The following HIKESHI variants were observed in gnomAD, a reference collection of about 807,000 sequenced individuals.
The protein encoded by HIKESHI is heat shock protein nuclear import factor hikeshi, also known as protein Hikeshi.
HIKESHI carries 13 observed loss-of-function variants against 25.7 expected under a neutral mutation model. That is an observed-to-expected ratio of 0.51 (90% confidence interval 0.33 to 0.80). The LOEUF (loss-of-function observed/expected upper bound fraction) is 0.80, where lower values mean the gene tolerates loss of function less well. Ranked by LOEUF, HIKESHI falls within the 30% of genes least tolerant of loss-of-function variation. The pLI, the probability that HIKESHI is intolerant of heterozygous loss-of-function variation, is 0.02. For missense variants in HIKESHI, 174 were observed against 229.5 expected, an observed-to-expected ratio of 0.76 and a Z score of 1.56; for synonymous variants, 76 against 78.7, an observed-to-expected ratio of 0.97 and a Z score of 0.18.
intron 2 of HIKESHI, among the ~76,000 whole-genome samples, chr11:86,319,295 T>G (rs1207861139): frequency 6.9e-6 from 1 of 145,124 alleles, no homozygotes; most frequent in East Asian, 2.0e-4. Context: ...CAGAGTGCAG[T>G]AGCAAGATTT....
intron 2 of HIKESHI, among the ~76,000 whole-genome samples, chr11:86,330,698 G>T (rs1947399139): frequency 6.6e-6 from 1 of 152,142 alleles, no homozygotes; most frequent in South Asian, 2.1e-4. Context: ...TGATGAATTA[G>T]AAATCACTTG....
At chr11:86,315,971 A>T (rs1265039124) in intron 2 of HIKESHI, among the ~76,000 whole-genome samples, 1 of 152,042 alleles carries the variant, frequency 6.6e-6, no homozygotes, top group Non-Finnish European at 1.5e-5. Flanking sequence ...CTTACAAGTA[A>T]TCCTATTAAA....
intron 2 of HIKESHI, among the ~76,000 whole-genome samples, chr11:86,336,117 G>C (rs1281616189): frequency 6.6e-6 from 1 of 152,176 alleles, no homozygotes; most frequent in Non-Finnish European, 1.5e-5. Context: ...TCACTAAAGG[G>C]CTTAGATAGC....
chr11:86,307,942 T>TTATGTGTAATATAATATATAAAATATA (rs1946700770), intron 2 of HIKESHI, among the ~76,000 whole-genome samples: 2 of 101,480 alleles, frequency 2.0e-5, no homozygotes, highest in Admixed American at 2.9e-4. Flanking sequence ...AAAATATATA[T>TTATGTGTAATATAATATATAAAATATA]TATGTGTAAT....
intron 2 of HIKESHI, among the ~76,000 whole-genome samples, chr11:86,328,476 G>A (rs2646729): frequency 0.61 from 90,944 of 148,876 alleles, 27,965 homozygotes; most frequent in East Asian, 0.79. Flanking sequence ...CTGTTGCCGA[G>A]GCTGGTGTGC....
At chr11:86,328,558 C>T (rs1374910160) in intron 2 of HIKESHI, among the ~76,000 whole-genome samples, 1 of 152,010 alleles carries the variant, frequency 6.6e-6, no homozygotes, top group Non-Finnish European at 1.5e-5. Flanking sequence ...AATTCTCTGC[C>T]TCAGCCTCCT....
intron 2 of HIKESHI, among the ~76,000 whole-genome samples, chr11:86,316,340 C>T (rs562394645): frequency 1.3e-5 from 2 of 151,230 alleles, no homozygotes; most frequent in South Asian, 4.2e-4. Context: ...TGTAAAACCC[C>T]GTCTCCACTA....
chr11:86,331,580 A>C (rs1415519815), intron 2 of HIKESHI, among the ~76,000 whole-genome samples: 1 of 152,148 alleles, frequency 6.6e-6, no homozygotes, highest in African/African-American at 2.4e-5. Flanking sequence ...TTAGGGTGTA[A>C]GCTCTTTGAG....
At chr11:86,328,422 C>T (rs1441018962) in intron 2 of HIKESHI, among the ~76,000 whole-genome samples, 1 of 150,148 alleles carries the variant, frequency 6.7e-6, no homozygotes, top group Non-Finnish European at 1.5e-5. Context: ...CCATGCGCAG[C>T]TAATGTTTTT....
rs1055404604 is a variant in HIKESHI, at chr11:86,306,740, CT to C, written c.268+259del. ...TTTGGCCGGGCGCGGCGGCTCATTC[CT>C]GTATCCCAGCACTTTGGGAGGCCCT... On this transcript the variant is annotated intron_variant, in intron 2 of 4. Transcript: ENST00000278483. Among the ~76,000 whole-genome samples, 76 of 151,842 alleles carry C rather than the reference CT, an allele frequency of 5.0e-4. No individual in the cohort carries two copies. The Middle Eastern group carries it at 0.01, about 20-fold the overall frequency.
At chr11:86,343,308 A>AT (rs138106599) in intron 3 of HIKESHI, among the ~76,000 whole-genome samples, 2,433 of 146,868 alleles carry the variant, frequency 0.017, 31 homozygotes, top group African/African-American at 0.037. Flanking sequence ...ACTGCTGTTG[A>AT]TTTTTTTTTT....
At chr11:86,303,411 C>G in intron 1 of HIKESHI, 2 of 984,264 alleles carry the variant, frequency 2.0e-6, no homozygotes, top group South Asian at 4.7e-5. Flanking sequence ...AAGTTTGTCT[C>G]TTGAATGACT....
intron 2 of HIKESHI, among the ~76,000 whole-genome samples, chr11:86,315,718 G>A (rs986651354): frequency 6.7e-6 from 1 of 149,894 alleles, no homozygotes; most frequent in African/African-American, 2.5e-5. Flanking sequence ...ACCGGAGGTA[G>A]TTGTACTTTA....
chr11:86,303,379 G>A, intron 1 of HIKESHI: 2 of 981,564 alleles, frequency 2.0e-6, no homozygotes, highest in Non-Finnish European at 2.4e-6. Context: ...AGAAAGATAA[G>A]TTGGAGATGA....
chr11:86,337,503 T>C lies in HIKESHI; in HGVS notation c.393T>C (p.Ala131=). The C allele has an allele frequency of 6.2e-7, 1 of 1,613,390 alleles. No homozygotes were observed. The highest frequency in any genetic ancestry group is 8.5e-7 in the Non-Finnish European group (1 of 1,179,846). The change falls in exon 3 of 5, where the codon GCT becomes GCC. Residue 131 remains alanine (A), a synonymous_variant. Coordinates refer to ENST00000278483, the MANE Select transcript of HIKESHI (RefSeq NM_016401.4). ...MAQQTPVGNA[A]VSSVDSFTQF... ...AGCAGACTCCTGTAGGTAATGCTGC[T>C]GTATCCTCAGTTGACTCATTCACTC...
chr11:86,308,843 G>A (rs1038569232), intron 2 of HIKESHI, among the ~76,000 whole-genome samples: 5 of 151,984 alleles, frequency 3.3e-5, no homozygotes, highest in African/African-American at 1.2e-4. Flanking sequence ...CCTTGCGATA[G>A]TTTGCTCAGA....
rs751269890 is a variant in HIKESHI at position 86,306,357 on chromosome 11, A to G, written c.143A>G (p.Glu48Gly). 6.2e-7 allele frequency: 1 copy of G among 1,613,656 alleles called. No homozygotes were observed. Among genetic ancestry groups the G allele is most frequent in the Non-Finnish European group, 8.5e-7 (1 of 1,179,566 alleles). Residue 48 changes from glutamate (E) to glycine (G), a missense_variant, in exon 2 of 5, where the codon GAG becomes GGG. By Grantham distance (98) the Glu-to-Gly change is moderately conservative. Transcript: ENST00000278483. ...ATGCTGGGAACAATCCCATTTCCTG[A>G]GGGAATGGGAGGATCTGTCTACTTT... ...VFMLGTIPFP[E>G]GMGGSVYFSY...
chr11:86,308,150 G>A (rs1171879861), intron 2 of HIKESHI, among the ~76,000 whole-genome samples: 15 of 46,340 alleles, frequency 3.2e-4, no homozygotes, highest in African/African-American at 1.1e-3. Context: ...AATATATATT[G>A]TATAAAATAT....
chr11:86,322,235 C>T (rs145200594), intron 2 of HIKESHI, among the ~76,000 whole-genome samples: 5,002 of 152,282 alleles, frequency 0.033, 267 homozygotes, highest in African/African-American at 0.11. Context: ...GATACACCCA[C>T]CTCAGCCTCC....
Sources: gnomAD v4.1 joint callset for allele counts (sites outside exome capture counted in the v4.1 genomes callset) on GRCh38, gnomAD v4.1.1 for gene constraint, MANE v1.5 for transcripts, NCBI Gene and HGNC (gene_info 2026-07-23, HGNC 2026-07-21) for gene names.